Variants in TCP11L1 observed in about 807,000 individuals in gnomAD.
TCP11L1 encodes t-complex 11 like 1.
A neutral mutation model predicts 48.9 loss-of-function variants in TCP11L1; 28 were observed. The ratio of observed to expected loss-of-function variants is 0.57; its 90% CI spans 0.42 to 0.78. TCP11L1 has a LOEUF of 0.78. Among genes scored for constraint, TCP11L1 ranks in the 30% least tolerant of loss-of-function variants. The pLI is 0.00. For synonymous variants in TCP11L1, 204 were observed against 231.9 expected (o/e 0.88, Z 1.09); for missense variants, 505 against 613.4 (o/e 0.82, Z 1.87).
chr11:33,058,887 G>T, intron 5 of TCP11L1, 72 bp from the exon 6 acceptor site: 4 of 1,556,592 alleles, frequency 2.6e-6, no homozygotes, highest in Non-Finnish European at 1.8e-6. Flanking sequence ...TGAGCCACGC[G>T]TCTGGTCCTC....
chr11:33,042,489 T>C (rs940105249), intron 1 of TCP11L1, among the ~76,000 whole-genome samples: 6 of 151,716 alleles, frequency 4.0e-5, no homozygotes, highest in African/African-American at 2.4e-5. Flanking sequence ...TCAAGTGTTA[T>C]TGCTATTCTG....
intron 2 of TCP11L1, among the ~76,000 whole-genome samples, chr11:33,047,903 G>A (rs1854046034): frequency 6.6e-6 from 1 of 152,168 alleles, no homozygotes; most frequent in Non-Finnish European, 1.5e-5. Context: ...CTCCATAAAT[G>A]TCCGTCCACT....
intron 1 of TCP11L1, 192 bp downstream of exon 1, chr11:33,039,984 CCCCTACTCCCGGCCCTGCCACTCCCTCG>C (rs2133680083): frequency 6.6e-6 from 1 of 152,464 alleles, no homozygotes; most frequent in African/African-American, 2.4e-5. Flanking sequence ...CCCGCGTCCT[CCCCTACTCCCGGCCCTGCCACTCCCTCG>C]CTGGCCTGAA....
chr11:33,040,985 CTATG>C (rs1270980957), intron 1 of TCP11L1: 1 of 152,202 alleles, frequency 6.6e-6, no homozygotes, highest in African/African-American at 2.4e-5. Flanking sequence ...CCCCTCTAGA[CTATG>C]TATTTGCATC....
chr11:33,069,489 A>G (rs997149702), intron 9 of TCP11L1, among the ~76,000 whole-genome samples: 1 of 152,122 alleles, frequency 6.6e-6, no homozygotes, highest in Non-Finnish European at 1.5e-5. Context: ...GCTATTAGTT[A>G]TCACAGCAAT....
Position 33,072,804 on chromosome 11 carries a change from A to G in TCP11L1, c.*128A>G. Reference sequence around the variant, plus strand: ...TAACAGCACCGATTCCAAAGGGAAGAATATTGTGTATCACTGTTGAAAAGA... The same window carrying G: ...TAACAGCACCGATTCCAAAGGGAAGGATATTGTGTATCACTGTTGAAAAGA... On this transcript the variant is annotated 3_prime_UTR_variant, in exon 10 of 10. Transcript: ENST00000334274. 1 of 990,726 alleles carries G rather than the reference A, an allele frequency of 1.0e-6. No homozygotes were observed. The highest frequency in any genetic ancestry group is 1.5e-6 in the Non-Finnish European group (1 of 658,210). 61.4% of individuals were successfully genotyped at this position (990,726 alleles called of 1,614,324 possible). A position where few individuals can be genotyped will look rare whatever the true frequency, so the allele number is the denominator to read the frequency against.
intron 2 of TCP11L1, among the ~76,000 whole-genome samples, chr11:33,045,452 G>C (rs955735534): frequency 6.6e-6 from 1 of 151,978 alleles, no homozygotes; most frequent in African/African-American, 2.4e-5. Context: ...GGAAGTCAAG[G>C]CTGCAGTGAG....
chr11:33,058,984 A>T lies in TCP11L1; in HGVS notation c.664A>T (p.Met222Leu). The change falls in exon 6 of 10, where the codon ATG (methionine) becomes TTG (leucine). Residue 222 changes from methionine to leucine, a missense_variant. Physicochemically the swap from Met to Leu is conservative, Grantham distance 15. Around this residue, in one of 3 missense-constraint regions of TCP11L1, gnomAD observed 335 missense variants for 413.3 expected, o/e 0.81. Coordinates refer to ENST00000334274, the MANE Select transcript of TCP11L1 (RefSeq NM_018393.4). The stretch of plus-strand genomic sequence containing the variant: ...AGAAATTTTTTCTGTGTTGGACCTA[A>T]TGAAAGTGGACATGGCCAACTTTGC... ...FREIFSVLDL[M>L]KVDMANFAIS... is the part of the protein sequence containing the mutation. 1 of 1,614,142 alleles carries T rather than the reference A, an allele frequency of 6.2e-7. No homozygotes were observed. Among genetic ancestry groups the T allele is most frequent in the South Asian group, 1.1e-5 (1 of 91,070 alleles).
chr11:33,061,561 A>G lies in TCP11L1; in HGVS notation c.807A>G (p.Glu269=). 1.2e-6 allele frequency: 2 copies of G among 1,608,400 alleles called. No homozygotes were observed. The highest frequency in any genetic ancestry group is 1.7e-6 in the Non-Finnish European group (2 of 1,177,306). ...TGGACTTTGTCACCCAGTGGCTGGA[A>G]GAAGCCTCAGAGGACCTTATGACTC... ...NSLDFVTQWL[E]EASEDLMTQK... The change falls in exon 7 of 10, where the codon GAA becomes GAG. Residue 269 remains glutamate (E), a synonymous_variant. Transcript: ENST00000334274.
At position 33,057,111 on chromosome 11, in the gene TCP11L1, C is replaced by G. The variant is rs1368359973; in HGVS notation, c.297-4C>G. The G allele has an allele frequency of 1.2e-6, 2 of 1,612,318 alleles. No individual in the cohort carries two copies. The highest frequency in any genetic ancestry group is 2.2e-5 in the East Asian group (1 of 44,854). On this transcript the variant is annotated splice_polypyrimidine_tract_variant and splice_region_variant and intron_variant, in intron 3 of 9. Coordinates refer to ENST00000334274, the MANE Select transcript of TCP11L1 (RefSeq NM_018393.4). The stretch of plus-strand genomic sequence containing the variant: ...CCCCCTCCTTTTTTTTTTCACTGCC[C>G]CAGCTTGAAGAAGAGAGTAAAGGAG...
chr11:33,066,021 A>G lies in TCP11L1; in HGVS notation c.1154+10A>G. The G allele has an allele frequency of 1.9e-6, 3 of 1,613,606 alleles. No individual in the cohort carries two copies. The highest frequency in any genetic ancestry group is 2.5e-6 in the Non-Finnish European group (3 of 1,179,632). The stretch of plus-strand genomic sequence containing the variant: ...CAGATATGCACCTGCCGTAAGTGGA[A>G]CTTTGATGCGTGGATGGGACGCAGT... On this transcript the variant is annotated intron_variant, in intron 8 of 9. Transcript: ENST00000334274.
intron 9 of TCP11L1, among the ~76,000 whole-genome samples, chr11:33,070,787 A>T (rs927744738): frequency 6.6e-6 from 1 of 151,358 alleles, no homozygotes; most frequent in African/African-American, 2.4e-5. Context: ...AGATTACCTG[A>T]GGTCAGGAGT....
chr11:33,059,008 G>A lies in TCP11L1; in HGVS notation c.688G>A (p.Ala230Thr), dbSNP rs1349580549. The A allele has an allele frequency of 6.2e-7, 1 of 1,614,156 alleles. No individual in the cohort carries two copies. Among genetic ancestry groups the A allele is most frequent in the Admixed American group, 1.7e-5 (1 of 60,014 alleles). The change falls in exon 6 of 10, where the codon GCT (alanine) becomes ACT (threonine). Residue 230 changes from alanine to threonine, a missense_variant. This residue lies in a region of TCP11L1 where 335 missense variants were observed against 413.3 expected (regional missense o/e 0.81). Coordinates refer to ENST00000334274, the MANE Select transcript of TCP11L1 (RefSeq NM_018393.4). ...DLMKVDMANF[A>T]ISSIRPHLMQ... ...AATGAAAGTGGACATGGCCAACTTT[G>A]CTATCAGTAGCATCAGGCCTCATCT...
rs1267528828 is a variant in TCP11L1 at position 33,058,120 on chromosome 11, G to A, written c.619G>A (p.Glu207Lys). 5.0e-6 allele frequency: 8 copies of A among 1,613,294 alleles called. No individual in the cohort carries two copies. The highest frequency in any genetic ancestry group is 6.8e-6 in the Non-Finnish European group (8 of 1,179,962). Residue 207 changes from glutamate (E) to lysine (K), a missense_variant, in exon 5 of 10, where the codon GAA becomes AAA. By Grantham distance (56) the Glu-to-Lys change is moderately conservative. Transcript: ENST00000334274. ...AGTTAAGAAACTAAAGGACATTAAGGAAATAGTGCCCCTTTTCAGGTATGG... is the reference window on the plus strand; with the variant it reads ...AGTTAAGAAACTAAAGGACATTAAGAAAATAGTGCCCCTTTTCAGGTATGG... ...EEVKKLKDIK[E>K]IVPLFREIFS...
chr11:33,066,118 T>G, intron 8 of TCP11L1, 107 bp downstream of exon 8: 2 of 1,402,140 alleles, frequency 1.4e-6, no homozygotes, highest in Non-Finnish European at 2.0e-6. Flanking sequence ...GGCCACTCTC[T>G]AGGAACTGAG....
chr11:33,043,670 A>C, intron 1 of TCP11L1, 80 bp from the exon 2 acceptor site: 1 of 1,253,946 alleles, frequency 8.0e-7, no homozygotes, highest in Non-Finnish European at 1.1e-6. Context: ...AGGTTAAATG[A>C]TTTGCCCTGA....
intron 2 of TCP11L1, among the ~76,000 whole-genome samples, chr11:33,051,083 T>G (rs980835129): frequency 3.3e-5 from 5 of 152,164 alleles, no homozygotes; most frequent in Admixed American, 6.5e-5. Context: ...AGGGCTGGGA[T>G]TACAGGCATG....
chr11:33,061,342 A>G (rs773370174), intron 6 of TCP11L1, among the ~76,000 whole-genome samples, 188 bp from the exon 7 acceptor site: 15 of 152,236 alleles, frequency 9.9e-5, no homozygotes, highest in Non-Finnish European at 1.9e-4. Flanking sequence ...ACTCAGACAC[A>G]TTATGACTTG....
rs758937823 is a variant in TCP11L1 at position 33,072,665 on chromosome 11, G to C, written c.1519G>C (p.Val507Leu). 6.2e-7 allele frequency: 1 copy of C among 1,613,944 alleles called. No individual in the cohort carries two copies. The highest frequency in any genetic ancestry group is 2.2e-5 in the East Asian group (1 of 44,898). Reference sequence around the variant, plus strand: ...CGATGCAATCCTGAGTAAGATCCTCGTCCGATCCTAACGTGTATGCACCCT... The same window carrying C: ...CGATGCAATCCTGAGTAAGATCCTCCTCCGATCCTAACGTGTATGCACCCT... ...YYDAILSKIL[V>L]RS The change falls in exon 10 of 10, where the codon GTC (valine) becomes CTC (leucine). Residue 507 changes from valine to leucine, a missense_variant. Val to Leu is a conservative substitution (Grantham distance 32). Coordinates refer to ENST00000334274, the MANE Select transcript of TCP11L1 (RefSeq NM_018393.4).
Sources: gnomAD v4.1 joint callset for allele counts (sites outside exome capture counted in the v4.1 genomes callset) on GRCh38, gnomAD v4.1.1 for gene constraint, gnomAD v4.1.1 regional missense constraint, MANE v1.5 for transcripts, NCBI Gene and HGNC (gene_info 2026-07-23, HGNC 2026-07-21) for gene names.